DPF3: variants seen among roughly 807,000 people sequenced by gnomAD.
DPF3 encodes zinc finger protein DPF3.
Under a neutral mutation model 56.8 loss-of-function variants are expected in DPF3, and 18 were observed. The ratio of observed to expected loss-of-function variants is 0.32; its 90% confidence interval spans 0.22 to 0.47. DPF3 has a LOEUF of 0.47. Among genes scored for constraint, DPF3 ranks in the 20% least tolerant of loss-of-function variants. The pLI, the probability that DPF3 is intolerant of heterozygous loss-of-function variation, is 1.00. For missense variants in DPF3, 403 were observed against 488.8 expected, an observed-to-expected ratio of 0.82 and a Z score of 1.65; for synonymous variants, 188 against 180.2, an observed-to-expected ratio of 1.04 and a Z score of -0.35.
chr14:72,752,670 T>A (rs1010765267), intron 3 of DPF3, among the ~76,000 whole-genome samples: 1 of 152,092 alleles, frequency 6.6e-6, no homozygotes, highest in Non-Finnish European at 1.5e-5. Flanking sequence ...CTCAAAAACA[T>A]ATATATATTA....
At chr14:72,833,820 A>G (rs1486894968) in intron 1 of DPF3, among the ~76,000 whole-genome samples, 1 of 152,234 alleles carries the variant, frequency 6.6e-6, no homozygotes, top group African/African-American at 2.4e-5. Context: ...CACAGAAAAC[A>G]TACAAATGGC....
At chr14:72,816,177 C>T (rs1883275347) in intron 1 of DPF3, among the ~76,000 whole-genome samples, 1 of 152,216 alleles carries the variant, frequency 6.6e-6, no homozygotes, top group Admixed American at 6.5e-5. Flanking sequence ...GAGCCCTGCA[C>T]TCCCACCCTT....
intron 1 of DPF3, among the ~76,000 whole-genome samples, chr14:72,796,411 A>G (rs11158978): frequency 0.14 from 22,046 of 152,168 alleles, 1,730 homozygotes; most frequent in Middle Eastern, 0.32. Context: ...GCTGAGGTGG[A>G]AGAATCACTT....
intron 8 of DPF3, chr14:72,662,382 T>G: frequency 1.0e-6 from 1 of 985,146 alleles, no homozygotes; most frequent in African/African-American, 1.7e-5. Flanking sequence ...ACTTTTGAAG[T>G]AGGAGGTACT....
intron 1 of DPF3, among the ~76,000 whole-genome samples, chr14:72,782,112 A>C (rs1891999544): frequency 6.6e-6 from 1 of 152,136 alleles, no homozygotes; most frequent in Non-Finnish European, 1.5e-5. Context: ...CATCTTTGCC[A>C]CTGGAATGCA....
chr14:72,711,254 G>A (rs368135065), intron 6 of DPF3, among the ~76,000 whole-genome samples: 21 of 152,274 alleles, frequency 1.4e-4, no homozygotes, highest in East Asian at 3.9e-4. Flanking sequence ...TGGCAGGGAC[G>A]GCAAATCTGT....
chr14:72,852,036 G>T (rs1885005154), intron 1 of DPF3, among the ~76,000 whole-genome samples: 1 of 152,286 alleles, frequency 6.6e-6, no homozygotes, highest in South Asian at 2.1e-4. Flanking sequence ...CAGAAGCTAA[G>T]AGGTGCCGCA....
At chr14:72,841,671 G>A (rs965929300) in intron 1 of DPF3, among the ~76,000 whole-genome samples, 1 of 152,194 alleles carries the variant, frequency 6.6e-6, no homozygotes, top group Non-Finnish European at 1.5e-5. Context: ...TCTCTGAAAA[G>A]AAGCAGTTAC....
chr14:72,870,060 A>G (rs1885836819), intron 1 of DPF3, among the ~76,000 whole-genome samples: 2 of 152,174 alleles, frequency 1.3e-5, no homozygotes, highest in African/African-American at 4.8e-5. Context: ...ACACATGGAA[A>G]AAACTTTGGA....
At chr14:72,656,393 G>T (rs1390719349) in intron 8 of DPF3, among the ~76,000 whole-genome samples, 1 of 152,128 alleles carries the variant, frequency 6.6e-6, no homozygotes, top group Non-Finnish European at 1.5e-5. Flanking sequence ...ACGACTTCCA[G>T]ATCTATCTCA....
intron 3 of DPF3, among the ~76,000 whole-genome samples, chr14:72,752,948 C>T (rs893539810): frequency 6.6e-6 from 1 of 152,178 alleles, no homozygotes; most frequent in South Asian, 2.1e-4. Context: ...TCACATGACC[C>T]GAAAGAGCTG....
chr14:72,665,376 T>C (rs926345165), intron 8 of DPF3, among the ~76,000 whole-genome samples: 3 of 152,216 alleles, frequency 2.0e-5, no homozygotes, highest in Non-Finnish European at 4.4e-5. Flanking sequence ...TATATCTGAA[T>C]GAAAATGTTA....
At chr14:72,623,894 C>T (rs1261084643) in intron 9 of DPF3, among the ~76,000 whole-genome samples, 1 of 152,004 alleles carries the variant, frequency 6.6e-6, no homozygotes, top group Non-Finnish European at 1.5e-5. Flanking sequence ...AGGTCTGGAG[C>T]ATAAAATGTA....
At chr14:72,843,771 A>G (rs1230336250) in intron 1 of DPF3, among the ~76,000 whole-genome samples, 1 of 152,180 alleles carries the variant, frequency 6.6e-6, no homozygotes. Context: ...CAAACTCCCA[A>G]CCTCAGGTGA....
intron 8 of DPF3, among the ~76,000 whole-genome samples, chr14:72,665,501 G>T (rs1886406119): frequency 6.6e-6 from 1 of 152,166 alleles, no homozygotes; most frequent in African/African-American, 2.4e-5. Flanking sequence ...GCACTGAGAA[G>T]GATACAACAT....
intron 8 of DPF3, among the ~76,000 whole-genome samples, chr14:72,649,716 A>G (rs775351857): frequency 6.6e-6 from 1 of 151,502 alleles, no homozygotes; most frequent in Non-Finnish European, 1.5e-5. Context: ...GGCGCTTCCT[A>G]TGTGCTAGGC....
rs556987630 is a variant in DPF3 at position 72,885,354 on chromosome 14, G to T, written c.32+8703C>A. 3.1e-4 allele frequency among the ~76,000 whole-genome samples: 45 copies of T among 145,534 alleles called. No homozygotes were observed. The South Asian group carries it at 9.3e-3, about 30-fold the overall frequency. Reference sequence around the variant, plus strand: ...AATGCCTATATTATCTAGAAATGTAGCCGCTAATTTTTTGGGTTTGTTTGT... The same window carrying T: ...AATGCCTATATTATCTAGAAATGTATCCGCTAATTTTTTGGGTTTGTTTGT... On this transcript the variant is annotated intron_variant, in intron 1 of 10. Coordinates refer to ENST00000556509, the MANE Select transcript of DPF3 (RefSeq NM_001280542.3).
At chr14:72,830,374 T>C (rs191542570) in intron 1 of DPF3, among the ~76,000 whole-genome samples, 3 of 152,322 alleles carry the variant, frequency 2.0e-5, no homozygotes, top group Admixed American at 2.0e-4. Flanking sequence ...TCCTTATATT[T>C]TGGATCAGTG....
At chr14:72,832,048 T>C (rs1884082375) in intron 1 of DPF3, among the ~76,000 whole-genome samples, 1 of 151,920 alleles carries the variant, frequency 6.6e-6, no homozygotes, top group Non-Finnish European at 1.5e-5. Flanking sequence ...CAAGACCCCA[T>C]CTCAACAAAA....
Sources: allele counts gnomAD v4.1 joint callset (sites outside exome capture counted in the v4.1 genomes callset), GRCh38; gene constraint gnomAD v4.1.1; transcripts MANE v1.5; gene names NCBI Gene and HGNC (gene_info 2026-07-23, HGNC 2026-07-21).